Variants in NUP43 observed in about 807,000 individuals in gnomAD.
The protein encoded by NUP43 is nucleoporin Nup43.
NUP43 carries 32 observed loss-of-function variants against 47.3 expected under a neutral mutation model. The ratio of observed to expected loss-of-function variants is 0.68; its 90% CI spans 0.51 to 0.91. The LOEUF is 0.91. Ranked by LOEUF, NUP43 falls within the 40% of genes least tolerant of loss-of-function variation. The pLI is 0.00. For missense variants in NUP43, 444 were observed against 453.9 expected, an observed-to-expected ratio of 0.98 and a Z score of 0.20; for synonymous variants, 147 against 158.4, an observed-to-expected ratio of 0.93 and a Z score of 0.54.
chr6:149,732,114 G>C (rs529486836), intron 6 of NUP43, among the ~76,000 whole-genome samples: 1 of 148,874 alleles, frequency 6.7e-6, no homozygotes, highest in Non-Finnish European at 1.5e-5. Flanking sequence ...CCTGGGAGGC[G>C]GAGGTTGCAG....
intron 6 of NUP43, among the ~76,000 whole-genome samples, chr6:149,734,167 A>T (rs1216924169): frequency 1.3e-5 from 2 of 151,930 alleles, no homozygotes; most frequent in Non-Finnish European, 2.9e-5. Context: ...TTTCTATAGA[A>T]ATCTAATAAT....
chr6:149,737,661 C>T (rs537538775), intron 5 of NUP43, among the ~76,000 whole-genome samples: 4 of 152,068 alleles, frequency 2.6e-5, no homozygotes, highest in African/African-American at 9.6e-5. Context: ...GTTCTTGTTG[C>T]CCAGGCTGGA....
intron 4 of NUP43, among the ~76,000 whole-genome samples, chr6:149,740,829 G>T (rs1008175147): frequency 6.6e-6 from 1 of 152,132 alleles, no homozygotes; most frequent in African/African-American, 2.4e-5. Context: ...CAGACTCTTT[G>T]CAATCTGGCC....
chr6:149,738,645 T>G lies in NUP43; in HGVS notation c.636A>C (p.Ser212=), dbSNP rs1785485719. 3.8e-6 allele frequency: 6 copies of G among 1,559,036 alleles called. No individual in the cohort carries two copies. The highest frequency in any genetic ancestry group is 5.2e-6 in the Non-Finnish European group (6 of 1,156,358). The change falls in exon 5 of 8, where the codon TCA becomes TCC. Residue 212 remains serine (S), a splice_region_variant and synonymous_variant. Coordinates refer to ENST00000340413, the MANE Select transcript of NUP43 (RefSeq NM_198887.3). ...QQGNEPSQIL[S]LTGDRVPLHC... ...TGAAATTACAAATCAACACTTACAG[T>G]GACAATATCTGAGAAGGCTCATTTC...
upstream of NUP43, among the ~76,000 whole-genome samples, chr6:149,747,269 A>G (rs1008049112): frequency 1.3e-5 from 2 of 151,660 alleles, no homozygotes; most frequent in Non-Finnish European, 2.9e-5. Flanking sequence ...GCCAATGTTG[A>G]TCTAAATCAA....
rs189146683 is a variant in NUP43 at position 149,728,342 on chromosome 6, G to A, written c.914-1144C>T. ...TAAACTTGCAAGTTCAAGACTGTGC[G>A]GTTAGGGGAGGAAGGAAGTAAAAAC... On this transcript the variant is annotated intron_variant, in intron 7 of 7. Transcript: ENST00000340413. 125 of 984,990 alleles carry A rather than the reference G, an allele frequency of 1.3e-4. 2 individuals carry two copies. In the East Asian group the frequency reaches 2.0e-3, roughly 16 times the overall value. The allele number at this position is 984,990 out of a possible 1,614,324, so 61.0% of individuals were successfully genotyped here.
In NUP43 at chr6:149,741,453, C is replaced by T. The variant is rs955303042; in HGVS notation, c.502+937G>A. 2.6e-5 allele frequency among the ~76,000 whole-genome samples: 4 copies of T among 152,250 alleles called. No homozygotes were observed. The East Asian group carries it at 7.7e-4, about 29-fold the overall frequency. On this transcript the variant is annotated intron_variant, in intron 4 of 7. Coordinates refer to ENST00000340413, the MANE Select transcript of NUP43 (RefSeq NM_198887.3). The stretch of plus-strand genomic sequence containing the variant: ...CCTCCTAAGGTGCTGGGATTATAGG[C>T]GTCAGCCACTGTACCCGGCCATATA...
chr6:149,737,424 A>G (rs988235713), intron 5 of NUP43, among the ~76,000 whole-genome samples: 1 of 152,038 alleles, frequency 6.6e-6, no homozygotes, highest in African/African-American at 2.4e-5. Flanking sequence ...CTACAGGCAC[A>G]TGCTACCGTG....
chr6:149,742,954 T>A lies in NUP43; in HGVS notation c.322-384A>T, dbSNP rs550969505. On this transcript the variant is annotated intron_variant, in intron 3 of 7. Coordinates refer to ENST00000340413, the MANE Select transcript of NUP43 (RefSeq NM_198887.3). ...ACTTTGGGAGGCCAAGGCAGGCAGA[T>A]CATCTGAGATCAGGGGTTCGAGACC... Among the ~76,000 whole-genome samples, 15 of 152,260 alleles carry A rather than the reference T, an allele frequency of 9.9e-5. No homozygotes were observed. The South Asian group carries it at 3.1e-3, about 32-fold the overall frequency.
intron 5 of NUP43, 138 bp from the exon 6 acceptor site, chr6:149,736,760 CT>C: frequency 3.0e-6 from 2 of 676,810 alleles, no homozygotes; most frequent in Non-Finnish European, 4.9e-6. Flanking sequence ...GCAATCATTG[CT>C]TACTGTAGGC....
In NUP43 at chr6:149,736,606, G is replaced by A; in HGVS notation, c.655C>T (p.Pro219Ser). The change falls in exon 6 of 8, where the codon CCA becomes TCA. Residue 219 changes from proline to serine, a missense_variant. Coordinates refer to ENST00000340413, the MANE Select transcript of NUP43 (RefSeq NM_198887.3). ...QILSLTGDRV[P>S]LHCVDRHPNQ... ...GGATGTCTATCAACACAGTGGAGTG[G>A]CACTCGGTCACCAGTCCTTTTGTGG... 1.3e-6 allele frequency: 2 copies of A among 1,586,076 alleles called. No individual in the cohort carries two copies. The highest frequency in any genetic ancestry group is 1.7e-6 in the Non-Finnish European group (2 of 1,157,734).
At chr6:149,744,258 G>A (rs924256849) in intron 2 of NUP43, among the ~76,000 whole-genome samples, 1 of 152,194 alleles carries the variant, frequency 6.6e-6, no homozygotes, top group African/African-American at 2.4e-5. Flanking sequence ...AGGCACGGTG[G>A]CTGACGCCTG....
In NUP43 at chr6:149,731,579, A is replaced by AG. The variant is rs779026512; in HGVS notation, c.913+33dup. On this transcript the variant is annotated intron_variant, in intron 7 of 7. Transcript: ENST00000340413. ...CTCTGTCTTAAAAAAAAAAAAAAAAAGTACACATAACAGTATTCATTAAAA... is the reference window on the plus strand; with the variant it reads ...CTCTGTCTTAAAAAAAAAAAAAAAAAGGTACACATAACAGTATTCATTAAAA... 12 of 1,542,970 alleles carry AG rather than the reference A, an allele frequency of 7.8e-6. No homozygotes were observed. The South Asian group carries it at 1.5e-4, about 19-fold the overall frequency.
Position 149,743,632 on chromosome 6 carries a change from C to T in NUP43, c.321+6G>A. 1 of 1,556,252 alleles carries T rather than the reference C, an allele frequency of 6.4e-7. No individual in the cohort carries two copies. Among genetic ancestry groups the T allele is most frequent in the Non-Finnish European group, 8.8e-7 (1 of 1,133,198 alleles). ...AAAAATCACTTCTCAAACTAAAGTT[C>T]TTTACCTGGTTATTTGGATGGTGAA... On this transcript the variant is annotated splice_donor_region_variant and intron_variant, in intron 3 of 7. Transcript: ENST00000340413.
At chr6:149,727,980 T>C (rs1177884370) in intron 7 of NUP43, 12 of 985,304 alleles carry the variant, frequency 1.2e-5, no homozygotes, top group Non-Finnish European at 1.4e-5. Context: ...CAAGTCCCTA[T>C]GTCTTGAAGC....
Position 149,746,277 on chromosome 6 carries a change from A to G in NUP43, c.120+99T>C, listed in dbSNP as rs1174214755. 10 of 1,528,110 alleles carry G rather than the reference A, an allele frequency of 6.5e-6. 1 individual carries two copies. The highest frequency in any genetic ancestry group is 2.3e-4 in the Middle Eastern group (1 of 4,268). The allele number at this position is 1,528,110 out of a possible 1,614,324, so 94.7% of individuals were successfully genotyped here. ...GGGGTCCGGGGGACCTAAAAGTGCG[A>G]GAAGAACCAGAAGGTGGGAGTTGGC... On this transcript the variant is annotated intron_variant, in intron 1 of 7. Transcript: ENST00000340413.
chr6:149,737,519 C>T (rs1785428268), intron 5 of NUP43, among the ~76,000 whole-genome samples: 2 of 152,152 alleles, frequency 1.3e-5, no homozygotes, highest in African/African-American at 4.8e-5. Flanking sequence ...GCAGATAATC[C>T]TTCCAAAATG....
intron 5 of NUP43, among the ~76,000 whole-genome samples, chr6:149,737,287 GA>G (rs1384458804): frequency 0.028 from 3,364 of 121,216 alleles, 99 homozygotes; most frequent in African/African-American, 0.089. Flanking sequence ...CTGTCTCAAA[GA>G]AAAAAAAAAA....
At chr6:149,727,868 T>C in intron 7 of NUP43, 1 of 985,330 alleles carries the variant, frequency 1.0e-6, no homozygotes, top group Non-Finnish European at 1.2e-6. Flanking sequence ...CAACTTACTT[T>C]CCTCTCAACT....
Sources: allele counts gnomAD v4.1 joint callset (sites outside exome capture counted in the v4.1 genomes callset), GRCh38; gene constraint gnomAD v4.1.1; transcripts MANE v1.5; gene names NCBI Gene and HGNC (gene_info 2026-07-23, HGNC 2026-07-21).